The following ESRRG variants were observed in gnomAD, a reference collection of about 807,000 sequenced individuals.
ESRRG encodes the protein estrogen-related receptor gamma.
In ESRRG, 13 loss-of-function variants were observed where a neutral mutation model predicts 44.0. That is an observed-to-expected ratio of 0.30 (90% CI 0.19 to 0.47). The LOEUF is 0.47. ESRRG is among the 20% of genes least tolerant of loss of function. The probability of loss-of-function intolerance (pLI) is 1.00; values close to 1 mark genes in which losing one functional copy is unlikely to be tolerated. For missense variants in ESRRG, 395 were observed against 580.6 expected (o/e 0.68, Z 3.29); for synonymous variants, 215 against 214.6 (o/e 1.00, Z -0.02).
intron 2 of ESRRG, among the ~76,000 whole-genome samples, chr1:216,920,539 T>C (rs995451265): frequency 6.6e-6 from 1 of 152,062 alleles, no homozygotes; most frequent in Non-Finnish European, 1.5e-5. Flanking sequence ...TCTTTCAAGT[T>C]CACCATAAAA....
chr1:217,012,292 A>G (rs1052505281), intron 1 of ESRRG, among the ~76,000 whole-genome samples: 6 of 152,158 alleles, frequency 3.9e-5, no homozygotes, highest in Non-Finnish European at 7.4e-5. Flanking sequence ...ATAAAACTTG[A>G]AAGTGTTTAT....
At chr1:217,026,912 CAGAGAGAGAGAGAGAG>C (rs71163786) in intron 1 of ESRRG, among the ~76,000 whole-genome samples, 2 of 93,414 alleles carry the variant, frequency 2.1e-5, no homozygotes. Flanking sequence ...CACACACACA[CAGAGAGAGAGAGAGAG>C]AGAGAGAGAG....
At chr1:216,589,383 T>C (rs1276291658) in intron 3 of ESRRG, among the ~76,000 whole-genome samples, 1 of 152,178 alleles carries the variant, frequency 6.6e-6, no homozygotes, top group Non-Finnish European at 1.5e-5. Flanking sequence ...TATTACTTTT[T>C]TAGCTCATTA....
intron 2 of ESRRG, among the ~76,000 whole-genome samples, chr1:216,773,249 C>T (rs2093456028): frequency 6.6e-6 from 1 of 152,044 alleles, no homozygotes; most frequent in African/African-American, 2.4e-5. Context: ...AATTGGATAG[C>T]TTACCAAGCA....
chr1:216,534,782 G>A (rs2149175322), intron 5 of ESRRG, among the ~76,000 whole-genome samples: 1 of 152,280 alleles, frequency 6.6e-6, no homozygotes, highest in Middle Eastern at 3.4e-3. Flanking sequence ...GTACACTCCA[G>A]GGAACATCTA....
chr1:217,058,170 C>T lies in ESRRG; in HGVS notation c.-106+31337G>A, dbSNP rs930641267. On this transcript the variant is annotated intron_variant, in intron 1 of 7. Coordinates refer to the ESRRG transcript ENST00000359162. ...ATATTCTAGTAAACTCTCTGAGTTT[C>T]TGAGCAAAAAGAATACATGGCTTAT... is the stretch of plus-strand genomic sequence containing the variant. Among the ~76,000 whole-genome samples, 11 of 152,130 alleles carry T rather than the reference C, an allele frequency of 7.2e-5. No individual in the cohort carries two copies. In the East Asian group the frequency reaches 2.1e-3, roughly 29 times the overall value.
At chr1:216,631,373 T>C (rs781266967) in intron 3 of ESRRG, among the ~76,000 whole-genome samples, 2 of 152,224 alleles carry the variant, frequency 1.3e-5, no homozygotes, top group African/African-American at 4.8e-5. Context: ...ATTATCTTGG[T>C]AAATAGTGTT....
In ESRRG at chr1:217,027,298, T is replaced by C. The variant is rs1329355095; in HGVS notation, c.-106+62209A>G. 2.6e-5 allele frequency among the ~76,000 whole-genome samples: 4 copies of C among 152,290 alleles called. No individual in the cohort carries two copies. The East Asian group carries it at 7.7e-4, about 29-fold the overall frequency. Reference sequence around the variant, plus strand: ...TAAATAGAAATAGTCACTAATCTTCTGCTCAATGACAAGCACCCCCTTAGA... The same window carrying C: ...TAAATAGAAATAGTCACTAATCTTCCGCTCAATGACAAGCACCCCCTTAGA... On this transcript the variant is annotated intron_variant, in intron 1 of 7. Coordinates refer to the ESRRG transcript ENST00000359162.
intron 1 of ESRRG, among the ~76,000 whole-genome samples, chr1:217,046,330 C>G (rs2084876543): frequency 6.6e-6 from 1 of 152,094 alleles, no homozygotes; most frequent in African/African-American, 2.4e-5. Context: ...GTTGGATTGA[C>G]CAAATGAATC....
intron 1 of ESRRG, among the ~76,000 whole-genome samples, chr1:217,038,544 C>A (rs1247283445): frequency 6.6e-6 from 1 of 152,214 alleles, no homozygotes; most frequent in Non-Finnish European, 1.5e-5. Context: ...CCCTTTGAAG[C>A]AACAGCCCAA....
intron 3 of ESRRG, among the ~76,000 whole-genome samples, chr1:216,605,278 T>C (rs897404479): frequency 3.3e-5 from 5 of 152,126 alleles, no homozygotes; most frequent in African/African-American, 1.2e-4. Flanking sequence ...AGAGGAAATA[T>C]AAACTCATAA....
chr1:216,774,466 T>G (rs530301331), intron 2 of ESRRG, among the ~76,000 whole-genome samples: 1 of 152,134 alleles, frequency 6.6e-6, no homozygotes, highest in African/African-American at 2.4e-5. Flanking sequence ...ACATCAGTCA[T>G]GCTGTGCTAT....
intron 1 of ESRRG, 94 bp downstream of exon 1, chr1:216,723,150 C>G (rs1461874362): frequency 6.7e-6 from 7 of 1,041,620 alleles, no homozygotes; most frequent in Non-Finnish European, 1.0e-5. Flanking sequence ...ATACCCAGGG[C>G]ATTACCTGAA....
At chr1:216,875,535 C>T (rs1387247559) in intron 2 of ESRRG, among the ~76,000 whole-genome samples, 2 of 152,238 alleles carry the variant, frequency 1.3e-5, no homozygotes, top group East Asian at 1.9e-4. Flanking sequence ...GCTTCTTCTC[C>T]CTAAGGTTAC....
rs557898501 is a variant in ESRRG at position 217,137,218 on chromosome 1, T to A, written c.-230+449A>T. Among the ~76,000 whole-genome samples the A allele has an allele frequency of 1.1e-4, 17 of 152,244 alleles. No homozygotes were observed. The East Asian group carries it at 3.3e-3, about 29-fold the overall frequency. On this transcript the variant is annotated intron_variant, in intron 1 of 8. Coordinates refer to the ESRRG transcript ENST00000366940. Reference sequence around the variant, plus strand: ...AAACCAAACAGGGTCCCCCATGCAGTTTATGTAGTGGCGTTGCTGACCCAA... The same window carrying A: ...AAACCAAACAGGGTCCCCCATGCAGATTATGTAGTGGCGTTGCTGACCCAA...
chr1:217,056,792 CA>C (rs1209405233), intron 1 of ESRRG, among the ~76,000 whole-genome samples: 1 of 151,302 alleles, frequency 6.6e-6, no homozygotes, highest in East Asian at 1.9e-4. Context: ...TCTTGAACCC[CA>C]AAATACCAGT....
At chr1:217,124,990 A>G (rs544728400) in intron 1 of ESRRG, among the ~76,000 whole-genome samples, 4 of 152,254 alleles carry the variant, frequency 2.6e-5, no homozygotes, top group South Asian at 4.2e-4. Flanking sequence ...TGTCTTAACC[A>G]TCACCCAGCT....
intron 1 of ESRRG, among the ~76,000 whole-genome samples, chr1:217,015,951 G>A (rs190520694): frequency 1.1e-4 from 17 of 152,012 alleles, no homozygotes; most frequent in Non-Finnish European, 2.1e-4. Context: ...GGCTGGCTTC[G>A]AACTGCTGAC....
chr1:216,753,247 G>T (rs1342200129), intron 2 of ESRRG, among the ~76,000 whole-genome samples: 1 of 151,334 alleles, frequency 6.6e-6, no homozygotes, highest in Admixed American at 6.6e-5. Flanking sequence ...CATGTTTCTT[G>T]TATTCCTGTA....
Sources: allele counts gnomAD v4.1 joint callset (sites outside exome capture counted in the v4.1 genomes callset), GRCh38; gene constraint gnomAD v4.1.1; transcripts MANE v1.5; gene names NCBI Gene and HGNC (gene_info 2026-07-23, HGNC 2026-07-21).